Variants in GMDS observed in about 807,000 individuals in gnomAD.
GMDS encodes the protein GDP-mannose 4,6 dehydratase.
Under a neutral mutation model 49.9 loss-of-function variants are expected in GMDS, and 20 were observed. The observed-to-expected ratio is 0.40, with a 90% CI of 0.28 to 0.58. The LOEUF (loss-of-function observed/expected upper bound fraction) is 0.58. Among genes scored for constraint, GMDS ranks in the 20% least tolerant of loss-of-function variants. GMDS has a pLI of 0.42. For missense variants in GMDS, 362 were observed against 481.4 expected, an observed-to-expected ratio of 0.75 and a Z score of 2.32; for synonymous variants, 177 against 178.6, an observed-to-expected ratio of 0.99 and a Z score of 0.07.
chr6:1,727,406 T>A (rs1766635230), intron 8 of GMDS, among the ~76,000 whole-genome samples: 1 of 148,858 alleles, frequency 6.7e-6, no homozygotes, highest in South Asian at 2.1e-4. Context: ...GAATTTGGGT[T>A]ATTTATTTTT....
At chr6:1,654,016 G>A (rs921423271) in intron 9 of GMDS, among the ~76,000 whole-genome samples, 2 of 151,958 alleles carry the variant, frequency 1.3e-5, no homozygotes, top group African/African-American at 4.8e-5. Context: ...GCCCAACATC[G>A]CTACTCATTA....
chr6:1,704,856 AG>A (rs1466582117), intron 9 of GMDS, among the ~76,000 whole-genome samples: 2 of 91,604 alleles, frequency 2.2e-5, no homozygotes, highest in African/African-American at 9.9e-5. Context: ...GGCGGTGGAG[AG>A]GGGGGCGGGG....
At chr6:1,850,966 GCAGAA>G (rs1757640324) in intron 7 of GMDS, among the ~76,000 whole-genome samples, 1 of 152,140 alleles carries the variant, frequency 6.6e-6, no homozygotes, top group East Asian at 1.9e-4. Context: ...CATGCAAACC[GCAGAA>G]CACCCAAGTT....
intron 7 of GMDS, among the ~76,000 whole-genome samples, chr6:1,808,844 T>A (rs1318265729): frequency 3.3e-5 from 5 of 152,180 alleles, no homozygotes; most frequent in Non-Finnish European, 7.4e-5. Context: ...AATGAGTAAT[T>A]TTTTAAAAAA....
At position 1,912,067 on chromosome 6, in the gene GMDS, TAAAAA is replaced by T. The variant is rs1342758183; in HGVS notation, c.771+18031_771+18035del. ...TTTAGAATCGACCATTTCTGATCAC[TAAAAA>T]TAAGTGATCTTGGCTGGGCATGGTG... On this transcript the variant is annotated intron_variant, in intron 7 of 10. Transcript: ENST00000380815. 2.0e-5 allele frequency among the ~76,000 whole-genome samples: 3 copies of T among 152,256 alleles called. No individual in the cohort carries two copies. The East Asian group carries it at 5.8e-4, about 29-fold the overall frequency.
intron 1 of GMDS, among the ~76,000 whole-genome samples, chr6:2,229,808 G>C (rs1337685610): frequency 6.6e-6 from 1 of 152,174 alleles, no homozygotes; most frequent in Non-Finnish European, 1.5e-5. Context: ...TAAGATAAAT[G>C]AATCTTTCAA....
chr6:2,190,997 C>T (rs1015921067), intron 1 of GMDS, among the ~76,000 whole-genome samples: 6 of 152,112 alleles, frequency 3.9e-5, no homozygotes, highest in African/African-American at 9.7e-5. Flanking sequence ...ACAACTGCTG[C>T]GGGGAGGGCA....
At chr6:1,874,370 C>T (rs1278900078) in intron 7 of GMDS, among the ~76,000 whole-genome samples, 2 of 152,116 alleles carry the variant, frequency 1.3e-5, no homozygotes, top group African/African-American at 2.4e-5. Flanking sequence ...GAGAGTTGGT[C>T]CCCTTATACT....
At chr6:2,037,229 G>A (rs926005673) in intron 4 of GMDS, among the ~76,000 whole-genome samples, 1 of 152,146 alleles carries the variant, frequency 6.6e-6, no homozygotes, top group Non-Finnish European at 1.5e-5. Context: ...AGTAAAAGAA[G>A]GTGGGAAACA....
chr6:2,115,926 AG>A (rs1253802483), intron 3 of GMDS, 46 bp from the exon 4 acceptor site: 2 of 1,084,080 alleles, frequency 1.8e-6, no homozygotes, highest in African/African-American at 1.6e-5. Context: ...AAGCAACATA[AG>A]CTCAATTTTT....
intron 6 of GMDS, among the ~76,000 whole-genome samples, chr6:1,956,331 T>C (rs1454202706): frequency 2.0e-5 from 3 of 152,230 alleles, no homozygotes; most frequent in Non-Finnish European, 2.9e-5. Flanking sequence ...TAAAACTTTA[T>C]TTTCAAAACT....
At chr6:1,918,694 A>G (rs1222117307) in intron 7 of GMDS, among the ~76,000 whole-genome samples, 2 of 152,226 alleles carry the variant, frequency 1.3e-5, no homozygotes, top group African/African-American at 4.8e-5. Flanking sequence ...GGCTGCAGTG[A>G]GCCAAAATCA....
At chr6:2,106,736 A>G (rs1255965994) in intron 4 of GMDS, among the ~76,000 whole-genome samples, 1 of 151,956 alleles carries the variant, frequency 6.6e-6, no homozygotes, top group Non-Finnish European at 1.5e-5. Flanking sequence ...GGTGGTGGGC[A>G]CCTGTAATCA....
At chr6:2,160,495 T>C (rs1008832443) in intron 1 of GMDS, among the ~76,000 whole-genome samples, 1 of 152,252 alleles carries the variant, frequency 6.6e-6, no homozygotes, top group Non-Finnish European at 1.5e-5. Context: ...AGATTCTTTT[T>C]AAAGACAAAT....
chr6:2,079,890 T>C (rs1242746102), intron 4 of GMDS, among the ~76,000 whole-genome samples: 3 of 152,176 alleles, frequency 2.0e-5, no homozygotes, highest in Non-Finnish European at 2.9e-5. Flanking sequence ...AACAAAAAAA[T>C]AGATGAGTTT....
chr6:1,636,337 T>G lies in GMDS; in HGVS notation c.988-11797A>C, dbSNP rs572311759. 3.3e-5 allele frequency among the ~76,000 whole-genome samples: 5 copies of G among 152,336 alleles called. No homozygotes were observed. In the South Asian group the frequency reaches 1.0e-3, roughly 32 times the overall value. ...CATCTTTGCAAAGTAATGCCCACTC[T>G]GAAGGTCTTGGGATTCCTGAGTTTG... On this transcript the variant is annotated intron_variant, in intron 9 of 10. Coordinates refer to ENST00000380815, the MANE Select transcript of GMDS (RefSeq NM_001500.4).
At chr6:2,149,053 T>C (rs1457973510) in intron 1 of GMDS, among the ~76,000 whole-genome samples, 2 of 152,196 alleles carry the variant, frequency 1.3e-5, no homozygotes, top group East Asian at 3.9e-4. Flanking sequence ...GCTTCACCAA[T>C]GAGGAAAGCA....
chr6:1,893,005 C>A (rs1759950600), intron 7 of GMDS, among the ~76,000 whole-genome samples: 1 of 152,006 alleles, frequency 6.6e-6, no homozygotes. Flanking sequence ...TAAGCCAGGG[C>A]CAGGAAGAGA....
At position 1,944,982 on chromosome 6, in the gene GMDS, A is replaced by G. The variant is rs185153101; in HGVS notation, c.644-14752T>C. On this transcript the variant is annotated intron_variant, in intron 6 of 10. Coordinates refer to ENST00000380815, the MANE Select transcript of GMDS (RefSeq NM_001500.4). Reference sequence around the variant, plus strand: ...AAAGATACTTATTCACCCAAGGAAAATAAGTAACATTGCCTCCTCTGTAAT... The same window carrying G: ...AAAGATACTTATTCACCCAAGGAAAGTAAGTAACATTGCCTCCTCTGTAAT... 1.6e-3 allele frequency among the ~76,000 whole-genome samples: 250 copies of G among 152,310 alleles called. 1 individual carries two copies. The highest frequency in any genetic ancestry group is 2.0e-3 in the Admixed American group (30 of 15,298).
Sources: allele counts gnomAD v4.1 joint callset (sites outside exome capture counted in the v4.1 genomes callset), GRCh38; gene constraint gnomAD v4.1.1; transcripts MANE v1.5; gene names NCBI Gene and HGNC (gene_info 2026-07-23, HGNC 2026-07-21).